Variants in FSIP1 observed in about 807,000 individuals in gnomAD.
The protein encoded by FSIP1 is fibrous sheath interacting protein 1, also known as fibrous sheath-interacting protein 1.
FSIP1 carries 65 observed loss-of-function variants against 60.9 expected under a neutral mutation model. The ratio of observed to expected loss-of-function variants is 1.07; its 90% CI spans 0.87 to 1.31. The LOEUF (loss-of-function observed/expected upper bound fraction) is 1.31, where lower values mean the gene tolerates loss of function less well. Ranked by LOEUF, FSIP1 falls within the 40% of genes most tolerant of loss-of-function variation. The pLI, the probability that FSIP1 is intolerant of heterozygous loss-of-function variation, is 0.00. For synonymous variants in FSIP1, 209 were observed against 221.2 expected, an observed-to-expected ratio of 0.94 and a Z score of 0.49; for missense variants, 675 against 665.5, an observed-to-expected ratio of 1.01 and a Z score of -0.16.
intron 10 of FSIP1, among the ~76,000 whole-genome samples, chr15:39,652,516 T>C (rs911734882): frequency 1.3e-5 from 2 of 152,360 alleles, no homozygotes; most frequent in Non-Finnish European, 1.5e-5. Flanking sequence ...TTTCGGGTGA[T>C]TAATCAAAAG....
At chr15:39,644,901 C>T (rs540920806) in intron 10 of FSIP1, among the ~76,000 whole-genome samples, 23 of 152,294 alleles carry the variant, frequency 1.5e-4, no homozygotes, top group African/African-American at 5.5e-4. Context: ...CATTTCTCAT[C>T]CACATATAAG....
intron 3 of FSIP1, among the ~76,000 whole-genome samples, 186 bp from the exon 4 acceptor site, chr15:39,765,932 C>T (rs1897670020): frequency 6.6e-6 from 1 of 152,194 alleles, no homozygotes; most frequent in Non-Finnish European, 1.5e-5. Context: ...AATTATCTAA[C>T]AACCCTATGA....
At chr15:39,717,246 A>T (rs1046325474) in intron 9 of FSIP1, among the ~76,000 whole-genome samples, 4 of 121,086 alleles carry the variant, frequency 3.3e-5, no homozygotes, top group Non-Finnish European at 5.3e-5. Context: ...TAAAAACTGA[A>T]AACAGCCCAG....
intron 10 of FSIP1, among the ~76,000 whole-genome samples, chr15:39,665,905 G>C (rs1235970308): frequency 6.6e-6 from 1 of 151,996 alleles, no homozygotes; most frequent in African/African-American, 2.4e-5. Context: ...TAATGATCAA[G>C]CAAGAAAAAC....
chr15:39,615,430 A>AAAC (rs1555386844), intron 11 of FSIP1, among the ~76,000 whole-genome samples: 22 of 147,854 alleles, frequency 1.5e-4, no homozygotes, highest in African/African-American at 2.5e-4. Flanking sequence ...AAAAAAAAAA[A>AAAC]ATTAAAAAAT....
intron 5 of FSIP1, among the ~76,000 whole-genome samples, chr15:39,754,920 G>A (rs192871163): frequency 1.2e-4 from 18 of 152,106 alleles, no homozygotes; most frequent in African/African-American, 3.6e-4. Flanking sequence ...CTTCCACAGC[G>A]TGACAGTAGA....
chr15:39,635,131 T>C (rs4628934), intron 10 of FSIP1, among the ~76,000 whole-genome samples: 27,517 of 152,024 alleles, frequency 0.18, 3,036 homozygotes, highest in East Asian at 0.32. Flanking sequence ...GTCAGAAGAT[T>C]GAAACCATCC....
intron 5 of FSIP1, among the ~76,000 whole-genome samples, chr15:39,742,583 T>C (rs1028935634): frequency 2.0e-5 from 3 of 152,160 alleles, no homozygotes; most frequent in Non-Finnish European, 2.9e-5. Flanking sequence ...ATCTGCCAGG[T>C]TGCAGCACAG....
Position 39,738,256 on chromosome 15 carries a change from GAA to G in FSIP1, c.781-57_781-56del, listed in dbSNP as rs34646792. ...ATACTCAAGGAAATTCACAGTTCAG[GAA>G]AAAAAAAATGGAATCTGAGACTTCT... is the stretch of plus-strand genomic sequence containing the variant. On this transcript the variant is annotated intron_variant, in intron 7 of 11. Coordinates refer to ENST00000350221, the MANE Select transcript of FSIP1 (RefSeq NM_152597.5). 110 of 988,728 alleles carry G rather than the reference GAA, an allele frequency of 1.1e-4. 1 individual carries two copies. The highest frequency in any genetic ancestry group is 1.3e-4 in the Non-Finnish European group (91 of 681,710). 61.2% of individuals were successfully genotyped at this position (988,728 alleles called of 1,614,324 possible). A position where few individuals can be genotyped will look rare whatever the true frequency, so the allele number is the denominator to read the frequency against.
intron 8 of FSIP1, among the ~76,000 whole-genome samples, chr15:39,731,579 C>G (rs556243550): frequency 6.6e-6 from 1 of 152,294 alleles, no homozygotes; most frequent in East Asian, 1.9e-4. Context: ...ATGCACTATG[C>G]CGTTACAGAA....
intron 5 of FSIP1, among the ~76,000 whole-genome samples, chr15:39,750,321 C>T (rs1209124927): frequency 6.6e-6 from 1 of 151,884 alleles, no homozygotes; most frequent in Non-Finnish European, 1.5e-5. Context: ...CAAAAGACCC[C>T]AAATGGCCAA....
chr15:39,719,090 T>C (rs1008046414), intron 9 of FSIP1, among the ~76,000 whole-genome samples: 3 of 152,058 alleles, frequency 2.0e-5, no homozygotes, highest in African/African-American at 7.2e-5. Flanking sequence ...ATTCGAAAAA[T>C]ACTGTATGAT....
At chr15:39,694,019 A>C (rs1894712899) in intron 10 of FSIP1, among the ~76,000 whole-genome samples, 1 of 152,224 alleles carries the variant, frequency 6.6e-6, no homozygotes, top group Admixed American at 6.5e-5. Flanking sequence ...ATATATATAC[A>C]TATCAAAAGA....
intron 11 of FSIP1, among the ~76,000 whole-genome samples, chr15:39,606,840 G>A (rs1202261688): frequency 1.3e-5 from 2 of 152,144 alleles, no homozygotes; most frequent in African/African-American, 4.8e-5. Flanking sequence ...ATGCTTAGTA[G>A]GAAGGGAGAA....
chr15:39,698,786 C>T (rs1030839827), intron 10 of FSIP1, among the ~76,000 whole-genome samples: 1 of 152,216 alleles, frequency 6.6e-6, no homozygotes, highest in Non-Finnish European at 1.5e-5. Context: ...CATTCATTCC[C>T]TGAATTCTCC....
rs929238289 is a variant in FSIP1 at position 39,617,825 on chromosome 15, A to T, written c.1609T>A (p.Phe537Ile). ...ATACCATACAGTGGATCATCTAAGA[A>T]GGAGGGCCTTTTCAGTCTCCCAATG... ...LGIGRLKRPS[F>I]LDDPLYGISV... The change falls in exon 11 of 12, where the codon TTC becomes ATC. Residue 537 changes from phenylalanine to isoleucine, a missense_variant. Phe to Ile is a conservative substitution (Grantham distance 21). Transcript: ENST00000350221. 6.2e-7 allele frequency: 1 copy of T among 1,613,650 alleles called. No homozygotes were observed. Among genetic ancestry groups the T allele is most frequent in the East Asian group, 2.2e-5 (1 of 44,868 alleles).
intron 1 of FSIP1, among the ~76,000 whole-genome samples, chr15:39,777,448 G>A (rs371905040): frequency 4.7e-4 from 71 of 152,234 alleles, no homozygotes; most frequent in Non-Finnish European, 6.3e-4. Flanking sequence ...TCATTATCTG[G>A]CTACACATTA....
At chr15:39,758,670 A>G (rs556637760) in intron 5 of FSIP1, among the ~76,000 whole-genome samples, 11 of 152,286 alleles carry the variant, frequency 7.2e-5, no homozygotes, top group Admixed American at 6.5e-5. Flanking sequence ...TTCATAAGCT[A>G]TAGCTTTAGA....
In FSIP1 at chr15:39,657,726, C is replaced by T. The variant is rs1893125757; in HGVS notation, c.1189-39481G>A. Among the ~76,000 whole-genome samples the T allele has an allele frequency of 3.9e-5, 6 of 152,078 alleles. No individual in the cohort carries two copies. In the South Asian group the frequency reaches 1.2e-3, roughly 32 times the overall value. ...CCAGGATATGCCACCATTGTTTTATCCTGGAGGACATAAAAATGAAAACAA... is the reference window on the plus strand; with the variant it reads ...CCAGGATATGCCACCATTGTTTTATTCTGGAGGACATAAAAATGAAAACAA... On this transcript the variant is annotated intron_variant, in intron 10 of 11. Coordinates refer to ENST00000350221, the MANE Select transcript of FSIP1 (RefSeq NM_152597.5).
Sources: gnomAD v4.1 joint callset for allele counts (sites outside exome capture counted in the v4.1 genomes callset) on GRCh38, gnomAD v4.1.1 for gene constraint, MANE v1.5 for transcripts, NCBI Gene and HGNC (gene_info 2026-07-23, HGNC 2026-07-21) for gene names.